ATXN7L1: variants seen among roughly 807,000 people sequenced by gnomAD.
The protein encoded by ATXN7L1 is ataxin 7 like 1.
Under a neutral mutation model 70.8 loss-of-function variants are expected in ATXN7L1, and 15 were observed. The observed-to-expected ratio is 0.21, with a 90% CI of 0.14 to 0.33. The LOEUF (loss-of-function observed/expected upper bound fraction) is 0.33. ATXN7L1 is among the 10% of genes least tolerant of loss of function. The pLI, the probability that ATXN7L1 is intolerant of heterozygous loss-of-function variation, is 1.00. For synonymous variants in ATXN7L1, 440 were observed against 445.1 expected, an observed-to-expected ratio of 0.99 and a Z score of 0.14; for missense variants, 975 against 1,097.1, an observed-to-expected ratio of 0.89 and a Z score of 1.57.
chr7:105,639,341 G>A (rs970130129), intron 6 of ATXN7L1, 146 bp downstream of exon 6: 6 of 547,616 alleles, frequency 1.1e-5, no homozygotes, highest in Non-Finnish European at 1.9e-5. Context: ...TGCTACCATG[G>A]ACGAGAAGAA....
chr7:105,677,151 C>G (rs1354314730), intron 3 of ATXN7L1, among the ~76,000 whole-genome samples: 1 of 152,170 alleles, frequency 6.6e-6, no homozygotes, highest in East Asian at 1.9e-4. Flanking sequence ...AGGGCCAGGG[C>G]CCCCAAATCT....
intron 3 of ATXN7L1, among the ~76,000 whole-genome samples, chr7:105,703,358 G>A (rs566318946): frequency 6.6e-6 from 1 of 151,198 alleles, no homozygotes; most frequent in South Asian, 2.1e-4. Flanking sequence ...GTTTGTGGAA[G>A]TTAGTCTAGG....
intron 2 of ATXN7L1, among the ~76,000 whole-genome samples, chr7:105,821,727 T>A (rs1452874536): frequency 2.0e-5 from 3 of 152,188 alleles, no homozygotes; most frequent in Non-Finnish European, 4.4e-5. Flanking sequence ...AACTGCAAAA[T>A]GGAAATGGAA....
rs183745438 is a variant in ATXN7L1 at position 105,793,800 on chromosome 7, G to C, written c.251-5092C>G. 1.5e-3 allele frequency among the ~76,000 whole-genome samples: 234 copies of C among 152,286 alleles called. 2 individuals carry two copies. Among genetic ancestry groups the C allele is most frequent in the Middle Eastern group, 6.8e-3 (2 of 294 alleles). On this transcript the variant is annotated intron_variant, in intron 2 of 11. Transcript: ENST00000419735. ...CACAGCATTATCACAGAGTGATCTG[G>C]TCACCCCCTGGCCTGATCACAGGCA...
At chr7:105,716,013 G>A (rs1455960787) in intron 3 of ATXN7L1, among the ~76,000 whole-genome samples, 1 of 152,096 alleles carries the variant, frequency 6.6e-6, no homozygotes, top group African/African-American at 2.4e-5. Context: ...GGAGGCGGGG[G>A]GGATGGGAAG....
chr7:105,618,864 T>A lies in ATXN7L1; in HGVS notation c.1517+1336A>T, dbSNP rs145682308. On this transcript the variant is annotated intron_variant, in intron 9 of 11. Transcript: ENST00000419735. ...AGCATTCTTCCAGATTAAGGCTTCTTCCCTGTTTATGAATCCCCTATTAAA... is the reference window on the plus strand; with the variant it reads ...AGCATTCTTCCAGATTAAGGCTTCTACCCTGTTTATGAATCCCCTATTAAA... 3.3e-3 allele frequency among the ~76,000 whole-genome samples: 507 copies of A among 152,324 alleles called. 1 individual carries two copies. The highest frequency in any genetic ancestry group is 0.011 in the African/African-American group (447 of 41,566).
chr7:105,767,982 C>T lies in ATXN7L1; in HGVS notation c.355+20622G>A, dbSNP rs144470453. On this transcript the variant is annotated intron_variant, in intron 3 of 11. Transcript: ENST00000419735. ...TATTTGTTTCTAAATTCAGGCCAGA[C>T]GTCTAAACGTTTGTTTTGTGCTTGT... is the stretch of plus-strand genomic sequence containing the variant. 2.9e-3 allele frequency among the ~76,000 whole-genome samples: 439 copies of T among 152,318 alleles called. 4 individuals are homozygous for T. The highest frequency in any genetic ancestry group is 9.1e-3 in the African/African-American group (380 of 41,576).
intron 3 of ATXN7L1, among the ~76,000 whole-genome samples, chr7:105,744,140 G>C (rs546573549): frequency 1.5e-4 from 23 of 152,188 alleles, no homozygotes; most frequent in Non-Finnish European, 2.4e-4. Flanking sequence ...GTCACCAAAG[G>C]ATTAAATGAG....
At chr7:105,755,877 T>A (rs1439588455) in intron 3 of ATXN7L1, among the ~76,000 whole-genome samples, 5 of 152,138 alleles carry the variant, frequency 3.3e-5, no homozygotes, top group East Asian at 1.9e-4. Flanking sequence ...AAGGGCAACA[T>A]CCAGGTAACC....
At chr7:105,735,819 G>C (rs1315681153) in intron 3 of ATXN7L1, among the ~76,000 whole-genome samples, 2 of 152,144 alleles carry the variant, frequency 1.3e-5, no homozygotes, top group South Asian at 2.1e-4. Context: ...GGGAGGTGGT[G>C]TGAGGTATAC....
chr7:105,831,493 C>T (rs138789407), intron 2 of ATXN7L1, among the ~76,000 whole-genome samples: 59 of 152,248 alleles, frequency 3.9e-4, no homozygotes, highest in African/African-American at 1.4e-3. Flanking sequence ...ATAAAAAGGT[C>T]GTGGCCGAGG....
chr7:105,633,602 C>T (rs1356808504), intron 7 of ATXN7L1, among the ~76,000 whole-genome samples: 2 of 152,042 alleles, frequency 1.3e-5, no homozygotes, highest in Non-Finnish European at 2.9e-5. Flanking sequence ...CGCTTGTAAT[C>T]CCAGCTACTC....
At chr7:105,809,688 T>G (rs952931136) in intron 2 of ATXN7L1, among the ~76,000 whole-genome samples, 1 of 152,064 alleles carries the variant, frequency 6.6e-6, no homozygotes, top group Non-Finnish European at 1.5e-5. Context: ...CATGATTATC[T>G]CCTTTTGATA....
chr7:105,679,453 C>G (rs1364643894), intron 3 of ATXN7L1, among the ~76,000 whole-genome samples: 1 of 152,216 alleles, frequency 6.6e-6, no homozygotes, highest in Non-Finnish European at 1.5e-5. Context: ...TTCCCACTCC[C>G]TCTTCGCTCA....
At chr7:105,691,130 C>A (rs1406065208) in intron 3 of ATXN7L1, among the ~76,000 whole-genome samples, 3 of 152,216 alleles carry the variant, frequency 2.0e-5, no homozygotes, top group Non-Finnish European at 4.4e-5. Context: ...AGCCCTTGGG[C>A]ATGTTTTGGG....
intron 2 of ATXN7L1, among the ~76,000 whole-genome samples, chr7:105,850,692 C>T (rs2116629154): frequency 6.6e-6 from 1 of 152,300 alleles, no homozygotes; most frequent in South Asian, 2.1e-4. Flanking sequence ...TCCTTCTGCA[C>T]AGAAGGGGTA....
At chr7:105,728,505 A>G (rs608560) in intron 3 of ATXN7L1, among the ~76,000 whole-genome samples, 112,242 of 152,106 alleles carry the variant, frequency 0.74, 43,122 homozygotes, top group East Asian at 1. Context: ...GATATAGATG[A>G]TTACATATAG....
rs1024407956 is a variant in ATXN7L1, at chr7:105,629,478, T to C, written c.1203-5211A>G. Among the ~76,000 whole-genome samples, 10 of 148,136 alleles carry C rather than the reference T, an allele frequency of 6.8e-5. No homozygotes were observed. In the Admixed American group the frequency reaches 6.8e-4, roughly 10 times the overall value. On this transcript the variant is annotated intron_variant, in intron 7 of 11. Transcript: ENST00000419735. ...TTAAATAATATATATAATTATATAT[T>C]ATTTTTTATATATATGTATTATTAT...
chr7:105,726,546 T>G (rs1197261447), intron 3 of ATXN7L1, among the ~76,000 whole-genome samples: 1 of 152,166 alleles, frequency 6.6e-6, no homozygotes, highest in Non-Finnish European at 1.5e-5. Context: ...CTGGGCTTCA[T>G]GCTTGGCACC....
Sources: allele counts gnomAD v4.1 joint callset (sites outside exome capture counted in the v4.1 genomes callset), GRCh38; gene constraint gnomAD v4.1.1; transcripts MANE v1.5; gene names NCBI Gene and HGNC (gene_info 2026-07-23, HGNC 2026-07-21).